NXPE2: variants seen among roughly 807,000 people sequenced by gnomAD.
NXPE2 encodes NXPE family member 2.
A neutral mutation model predicts 34.4 loss-of-function variants in NXPE2; 34 were observed. The observed-to-expected ratio is 0.99, with a 90% CI of 0.75 to 1.31. The LOEUF is 1.31. NXPE2 is among the 40% of genes most tolerant of loss of function. NXPE2 has a pLI of 0.00. For synonymous variants in NXPE2, 235 were observed against 231.3 expected, an observed-to-expected ratio of 1.02 and a Z score of -0.15; for missense variants, 649 against 672.5, an observed-to-expected ratio of 0.97 and a Z score of 0.39.
chr11:114,638,101 C>A, the NXPE2 span, among the ~76,000 whole-genome samples: 41,125 of 150,432 alleles, frequency 0.27, 6,014 homozygotes, highest in Middle Eastern at 0.38. Flanking sequence ...TCAGGTACAC[C>A]AATGAGATGT....
At chr11:114,465,559 T>C in the NXPE2 span, among the ~76,000 whole-genome samples, 1 of 152,200 alleles carries the variant, frequency 6.6e-6, no homozygotes, top group Admixed American at 6.5e-5. Context: ...GGAAGAGGGC[T>C]ATGCAGGAAG....
At chr11:114,626,224 G>A in the NXPE2 span, among the ~76,000 whole-genome samples, 2 of 152,180 alleles carry the variant, frequency 1.3e-5, no homozygotes, top group African/African-American at 4.8e-5. Flanking sequence ...CTGGGGGCAG[G>A]GCACAGACAA....
the NXPE2 span, among the ~76,000 whole-genome samples, chr11:114,520,337 G>T: frequency 6.6e-6 from 1 of 152,048 alleles, no homozygotes; most frequent in Non-Finnish European, 1.5e-5. Context: ...ATATATAAGT[G>T]AGATCAAGCA....
chr11:114,627,605 T>C, the NXPE2 span, among the ~76,000 whole-genome samples: 28 of 151,000 alleles, frequency 1.9e-4, no homozygotes, highest in East Asian at 2.5e-3. Context: ...GAAGAAACTG[T>C]ATCAACTAAC....
the NXPE2 span, among the ~76,000 whole-genome samples, chr11:114,799,291 CA>C: frequency 0.58 from 55,032 of 94,262 alleles, 12,576 homozygotes; most frequent in Middle Eastern, 0.69. Flanking sequence ...GGCAATGAAG[CA>C]AAAAAAAAAA....
the NXPE2 span, among the ~76,000 whole-genome samples, chr11:114,591,864 G>A: frequency 6.6e-6 from 1 of 152,100 alleles, no homozygotes; most frequent in African/African-American, 2.4e-5. Flanking sequence ...ATATTGACCA[G>A]GGTATATTAT....
chr11:114,619,131 T>C, the NXPE2 span, among the ~76,000 whole-genome samples: 1 of 152,072 alleles, frequency 6.6e-6, no homozygotes. Flanking sequence ...GCCTCGTGGG[T>C]AACCACTGTT....
chr11:114,470,521 G>A, the NXPE2 span, among the ~76,000 whole-genome samples: 1 of 151,552 alleles, frequency 6.6e-6, no homozygotes, highest in Non-Finnish European at 1.5e-5. Flanking sequence ...TGTCTGTCCA[G>A]ATCTTTTGCT....
the NXPE2 span, among the ~76,000 whole-genome samples, chr11:114,508,431 G>A: frequency 9.2e-5 from 14 of 152,178 alleles, no homozygotes; most frequent in African/African-American, 3.4e-4. Context: ...AGCCTGAATA[G>A]CCAAGGCAAT....
At chr11:114,765,011 T>C in the NXPE2 span, among the ~76,000 whole-genome samples, 1 of 152,190 alleles carries the variant, frequency 6.6e-6, no homozygotes, top group Non-Finnish European at 1.5e-5. Context: ...TTCTGGGATT[T>C]TTCTTCCACA....
chr11:114,571,220 G>C, the NXPE2 span: 1 of 1,614,008 alleles, frequency 6.2e-7, no homozygotes, highest in Non-Finnish European at 8.5e-7. Context: ...GGACATTGAG[G>C]GCCCTTCGGA....
the NXPE2 span, among the ~76,000 whole-genome samples, chr11:114,719,531 T>G: frequency 6.6e-6 from 1 of 152,250 alleles, no homozygotes; most frequent in Non-Finnish European, 1.5e-5. Context: ...GTTGTCATTG[T>G]GCACACCTGA....
chr11:114,723,489 T>C, the NXPE2 span, among the ~76,000 whole-genome samples: 1 of 152,298 alleles, frequency 6.6e-6, no homozygotes, highest in Admixed American at 6.5e-5. Flanking sequence ...TTAAGTCATA[T>C]GGCAAAATTT....
the NXPE2 span, among the ~76,000 whole-genome samples, chr11:114,614,379 G>C: frequency 3.2e-4 from 49 of 150,990 alleles, no homozygotes; most frequent in Admixed American, 3.2e-3. Context: ...TTACCTGGTG[G>C]ATAATAAGTG....
At chr11:114,777,347 GC>G in the NXPE2 span, among the ~76,000 whole-genome samples, 2 of 152,228 alleles carry the variant, frequency 1.3e-5, no homozygotes, top group African/African-American at 4.8e-5. Flanking sequence ...GGGGACTGTA[GC>G]CCTACTCTAT....
the NXPE2 span, among the ~76,000 whole-genome samples, chr11:114,623,883 T>C: frequency 6.6e-6 from 1 of 152,166 alleles, no homozygotes; most frequent in East Asian, 1.9e-4. Flanking sequence ...ACCCAGGGGA[T>C]AGTAAGTATT....
At chr11:114,569,538 C>A in the NXPE2 span, among the ~76,000 whole-genome samples, 1 of 152,152 alleles carries the variant, frequency 6.6e-6, no homozygotes, top group Non-Finnish European at 1.5e-5. Flanking sequence ...TGGTACTCTG[C>A]CCCATGGGGC....
At chr11:114,610,121 G>A in the NXPE2 span, among the ~76,000 whole-genome samples, 24 of 151,658 alleles carry the variant, frequency 1.6e-4, no homozygotes, top group Non-Finnish European at 2.7e-4. Flanking sequence ...TGGGTAACCC[G>A]TTACCCCGTG....
At chr11:114,478,747 T>G in the NXPE2 span, among the ~76,000 whole-genome samples, 1 of 152,206 alleles carries the variant, frequency 6.6e-6, no homozygotes, top group Admixed American at 6.5e-5. Flanking sequence ...GAAGGCATTT[T>G]TAGGTAAGTT....
Sources: allele counts gnomAD v4.1 joint callset (sites outside exome capture counted in the v4.1 genomes callset), GRCh38; gene constraint gnomAD v4.1.1; transcripts MANE v1.5; gene names NCBI Gene and HGNC (gene_info 2026-07-23, HGNC 2026-07-21).